BICD1: variants seen among roughly 807,000 people sequenced by gnomAD.
BICD1 encodes protein bicaudal D homolog 1.
A neutral mutation model predicts 92.5 loss-of-function variants in BICD1; 35 were observed. The observed-to-expected ratio is 0.38, with a 90% CI of 0.29 to 0.50. BICD1 has a LOEUF of 0.50. BICD1 is among the 20% of genes least tolerant of loss of function. The probability of loss-of-function intolerance (pLI) is 0.93; values close to 1 mark genes in which losing one functional copy is unlikely to be tolerated. For missense variants in BICD1, 950 were observed against 1,189.8 expected, an observed-to-expected ratio of 0.80 and a Z score of 2.97; for synonymous variants, 429 against 465.1, an observed-to-expected ratio of 0.92 and a Z score of 1.00.
At chr12:32,268,386 C>T (rs1361766967) in intron 2 of BICD1, among the ~76,000 whole-genome samples, 3 of 152,100 alleles carry the variant, frequency 2.0e-5, no homozygotes, top group African/African-American at 7.2e-5. Flanking sequence ...ATAAAAAATA[C>T]GTCATTGGTC....
intron 2 of BICD1, among the ~76,000 whole-genome samples, chr12:32,235,331 T>C (rs1160660569): frequency 1.3e-5 from 2 of 152,226 alleles, no homozygotes; most frequent in Admixed American, 6.5e-5. Context: ...CAACAATTAA[T>C]GATAATGAAA....
chr12:32,296,278 A>G (rs1947870612), intron 3 of BICD1, among the ~76,000 whole-genome samples: 1 of 123,880 alleles, frequency 8.1e-6, no homozygotes, highest in African/African-American at 3.1e-5. Flanking sequence ...TTTTTTTGAG[A>G]GACGGAGTCT....
chr12:32,243,856 T>G (rs1314987172), intron 2 of BICD1, among the ~76,000 whole-genome samples: 1 of 152,212 alleles, frequency 6.6e-6, no homozygotes, highest in Admixed American at 6.5e-5. Context: ...AATGTGTTCA[T>G]CTACATGAGA....
chr12:32,267,986 G>T (rs916728077), intron 2 of BICD1, among the ~76,000 whole-genome samples: 11 of 143,694 alleles, frequency 7.7e-5, no homozygotes, highest in East Asian at 2.0e-4. Flanking sequence ...TGTTTTTTTT[G>T]AAGAAATGGT....
At chr12:32,150,717 C>T (rs1943263709) in intron 1 of BICD1, among the ~76,000 whole-genome samples, 1 of 152,076 alleles carries the variant, frequency 6.6e-6, no homozygotes, top group Non-Finnish European at 1.5e-5. Context: ...TGCAGACCTG[C>T]ACAACCTGAC....
chr12:32,117,758 A>ATTTTTTT (rs1180018434), intron 1 of BICD1, among the ~76,000 whole-genome samples: 68 of 107,910 alleles, frequency 6.3e-4, no homozygotes, highest in African/African-American at 1.9e-3. Context: ...ATATATATAT[A>ATTTTTTT]TTTTTTTTTA....
chr12:32,263,080 A>T (rs1946898913), intron 2 of BICD1, among the ~76,000 whole-genome samples: 1 of 151,864 alleles, frequency 6.6e-6, no homozygotes, highest in South Asian at 2.1e-4. Flanking sequence ...GGCTGTAGTG[A>T]GCTATGATCT....
intron 2 of BICD1, among the ~76,000 whole-genome samples, chr12:32,267,314 A>G (rs1947024662): frequency 6.6e-6 from 1 of 152,236 alleles, no homozygotes; most frequent in South Asian, 2.1e-4. Context: ...CTTATTGATT[A>G]GGTCTCTTTT....
chr12:32,324,530 C>T (rs573318093), intron 4 of BICD1, among the ~76,000 whole-genome samples: 30 of 152,002 alleles, frequency 2.0e-4, no homozygotes, highest in African/African-American at 6.8e-4. Context: ...ACTTCCTCTT[C>T]GACATTTTCA....
chr12:32,178,851 G>GCTGCAGGCTGTCCTGGCACA (rs1944193443), intron 1 of BICD1, among the ~76,000 whole-genome samples: 1 of 151,970 alleles, frequency 6.6e-6, no homozygotes, highest in African/African-American at 2.4e-5. Context: ...ACTCTGCACT[G>GCTGCAGGCTGTCCTGGCACA]CTGCAGGCTG....
chr12:32,112,378 A>C (rs1259656499), intron 1 of BICD1, among the ~76,000 whole-genome samples: 2 of 152,196 alleles, frequency 1.3e-5, no homozygotes, highest in East Asian at 1.9e-4. Flanking sequence ...GCAAGAATTT[A>C]TCATCTTTTA....
intron 8 of BICD1, chr12:32,340,054 C>T: frequency 2.1e-6 from 2 of 966,506 alleles, no homozygotes; most frequent in East Asian, 1.1e-4. Flanking sequence ...CTCCTGGCCC[C>T]TCCTGTAGTC....
chr12:32,285,903 TTTTA>T (rs1947551863), intron 2 of BICD1, among the ~76,000 whole-genome samples: 2 of 152,360 alleles, frequency 1.3e-5, no homozygotes. Flanking sequence ...AGTTGCAATC[TTTTA>T]AATTTATTGT....
chr12:32,341,001 C>G (rs780287090), intron 8 of BICD1, among the ~76,000 whole-genome samples: 11 of 152,164 alleles, frequency 7.2e-5, no homozygotes, highest in Non-Finnish European at 1.5e-4. Context: ...GTACTAAAAG[C>G]CCATAAAACA....
chr12:32,245,041 T>G (rs1389167007), intron 2 of BICD1, among the ~76,000 whole-genome samples: 1 of 152,140 alleles, frequency 6.6e-6, no homozygotes, highest in African/African-American at 2.4e-5. Context: ...CCACTTATTT[T>G]CAATGGAATC....
chr12:32,134,875 A>C (rs1565538713), intron 1 of BICD1, among the ~76,000 whole-genome samples: 1 of 152,172 alleles, frequency 6.6e-6, no homozygotes. Flanking sequence ...TTGGTGATTG[A>C]TAAACATTTT....
At chr12:32,207,527 A>C (rs1945094926) in intron 1 of BICD1, among the ~76,000 whole-genome samples, 1 of 152,180 alleles carries the variant, frequency 6.6e-6, no homozygotes, top group Non-Finnish European at 1.5e-5. Context: ...TTTTTAAAAA[A>C]ACATCTCATT....
At chr12:32,358,075 T>C (rs73303937) in intron 8 of BICD1, among the ~76,000 whole-genome samples, 3,568 of 152,086 alleles carry the variant, frequency 0.023, 135 homozygotes, top group African/African-American at 0.08. Context: ...AAATGGGCAT[T>C]ATGACTACCA....
At chr12:32,281,561 G>T (rs1947412299) in intron 2 of BICD1, among the ~76,000 whole-genome samples, 1 of 152,122 alleles carries the variant, frequency 6.6e-6, no homozygotes, top group Non-Finnish European at 1.5e-5. Context: ...CCTTACAGTG[G>T]ATAAGTTTGT....
Sources: allele counts gnomAD v4.1 joint callset (sites outside exome capture counted in the v4.1 genomes callset), GRCh38; gene constraint gnomAD v4.1.1; transcripts MANE v1.5; gene names NCBI Gene and HGNC (gene_info 2026-07-23, HGNC 2026-07-21).